The following TRHDE variants were observed in gnomAD, a reference collection of about 807,000 sequenced individuals.
TRHDE encodes thyrotropin-releasing hormone-degrading ectoenzyme.
In TRHDE, 72 loss-of-function variants were observed where a neutral mutation model predicts 125.7. That is an observed-to-expected ratio of 0.57 (90% CI 0.47 to 0.70). The LOEUF (loss-of-function observed/expected upper bound fraction) is 0.70. TRHDE is among the 30% of genes least tolerant of loss of function. TRHDE has a pLI of 0.00. For synonymous variants in TRHDE, 509 were observed against 509.1 expected, an observed-to-expected ratio of 1.00 and a Z score of 0.00; for missense variants, 1,110 against 1,327.1, an observed-to-expected ratio of 0.84 and a Z score of 2.54.
chr12:72,478,934 A>AAAC (rs1877028623), intron 5 of TRHDE, among the ~76,000 whole-genome samples: 1 of 151,116 alleles, frequency 6.6e-6, no homozygotes, highest in South Asian at 2.1e-4. Flanking sequence ...AAAAAAAAAA[A>AAAC]AAAAAAACAA....
At position 72,666,936 on chromosome 12, in the gene TRHDE, A is replaced by G. The variant is rs1018644640; in HGVS notation, c.*3741A>G. ...TAAACATAACCTTAAAGTACTGATA[A>G]TTTGCTTAATTTTCAACACAAATTT... On this transcript the variant is annotated 3_prime_UTR_variant, in exon 19 of 19. Transcript: ENST00000261180. 1 of 152,034 alleles carries G rather than the reference A, an allele frequency of 6.6e-6. No homozygotes were observed. Among genetic ancestry groups the G allele is most frequent in the African/African-American group, 2.4e-5 (1 of 41,448 alleles). 9.4% of individuals were successfully genotyped at this position (152,034 alleles called of 1,614,324 possible).
At chr12:72,342,473 A>G (rs1388691798) in intron 2 of TRHDE, among the ~76,000 whole-genome samples, 1 of 152,134 alleles carries the variant, frequency 6.6e-6, no homozygotes, top group Non-Finnish European at 1.5e-5. Flanking sequence ...CTTTTTGAAT[A>G]TACTCTTCCT....
At chr12:72,613,847 G>T (rs890721009) in intron 12 of TRHDE, among the ~76,000 whole-genome samples, 1 of 152,082 alleles carries the variant, frequency 6.6e-6, no homozygotes, top group African/African-American at 2.4e-5. Flanking sequence ...TTCTTGTAAT[G>T]CCATAAAGAA....
At chr12:72,534,590 G>C (rs1288850480) in intron 6 of TRHDE, among the ~76,000 whole-genome samples, 1 of 151,866 alleles carries the variant, frequency 6.6e-6, no homozygotes, top group Non-Finnish European at 1.5e-5. Flanking sequence ...AGATGATATT[G>C]ATGATGATGA....
intron 6 of TRHDE, among the ~76,000 whole-genome samples, chr12:72,517,383 G>A (rs1362626648): frequency 3.3e-4 from 50 of 152,148 alleles, no homozygotes; most frequent in Non-Finnish European, 5.7e-4. Flanking sequence ...GAGAGTGCAT[G>A]TGTCGAGGAA....
At chr12:72,646,368 CA>C (rs1874280577) in intron 15 of TRHDE, among the ~76,000 whole-genome samples, 1 of 151,652 alleles carries the variant, frequency 6.6e-6, no homozygotes, top group Non-Finnish European at 1.5e-5. Context: ...AAAAACAAAT[CA>C]CAGCATATCA....
intron 2 of TRHDE, among the ~76,000 whole-genome samples, chr12:72,136,775 C>T (rs575695125): frequency 3.3e-5 from 5 of 152,274 alleles, no homozygotes; most frequent in African/African-American, 1.2e-4. Context: ...GAGAAAGTTC[C>T]CAGCACCTGT....
At chr12:72,575,659 C>T (rs991582410) in intron 12 of TRHDE, 117 bp downstream of exon 12, 18 of 989,240 alleles carry the variant, frequency 1.8e-5, no homozygotes, top group Non-Finnish European at 2.3e-5. Flanking sequence ...CTATTTCTAT[C>T]TTATGTTCTT....
At chr12:72,582,735 T>C in intron 12 of TRHDE, 1 of 538,100 alleles carries the variant, frequency 1.9e-6, no homozygotes, top group African/African-American at 2.1e-5. Context: ...ACTGGACTTT[T>C]TGTTTTGATT....
intron 2 of TRHDE, among the ~76,000 whole-genome samples, chr12:72,142,900 C>T (rs559069913): frequency 5.9e-5 from 9 of 152,002 alleles, no homozygotes; most frequent in South Asian, 2.1e-4. Context: ...TCCATCTCAC[C>T]GAGAGCCACC....
At chr12:72,573,529 G>A (rs1270237487) in intron 10 of TRHDE, among the ~76,000 whole-genome samples, 2 of 151,748 alleles carry the variant, frequency 1.3e-5, no homozygotes, top group African/African-American at 4.8e-5. Flanking sequence ...AACCTTAAGG[G>A]CCATTATTTG....
intron 3 of TRHDE, among the ~76,000 whole-genome samples, chr12:72,410,092 A>G (rs1873430258): frequency 6.6e-6 from 1 of 152,064 alleles, no homozygotes; most frequent in Non-Finnish European, 1.5e-5. Context: ...AAGATCACAG[A>G]TACCATACAT....
intron 3 of TRHDE, among the ~76,000 whole-genome samples, chr12:72,397,010 C>G (rs956958067): frequency 7.9e-5 from 12 of 152,204 alleles, no homozygotes; most frequent in African/African-American, 2.9e-4. Flanking sequence ...ATCTTCACGT[C>G]CGACCTCTGT....
intron 6 of TRHDE, among the ~76,000 whole-genome samples, chr12:72,539,105 C>A (rs1869015173): frequency 6.6e-6 from 1 of 151,926 alleles, no homozygotes; most frequent in Non-Finnish European, 1.5e-5. Context: ...CCTTATCCAT[C>A]CTCCAAGGTT....
intron 2 of TRHDE, among the ~76,000 whole-genome samples, chr12:72,122,564 AAAT>A (rs1160550013): frequency 3.1e-4 from 47 of 152,280 alleles, no homozygotes; most frequent in Non-Finnish European, 3.2e-4. Context: ...GTTTTTTTTC[AAAT>A]AATGATACTA....
chr12:72,465,169 G>A (rs1010637149), intron 3 of TRHDE, among the ~76,000 whole-genome samples: 3 of 151,710 alleles, frequency 2.0e-5, no homozygotes, highest in African/African-American at 2.4e-5. Flanking sequence ...AATGTTATCT[G>A]CCTTAAATAA....
intron 3 of TRHDE, among the ~76,000 whole-genome samples, chr12:72,382,095 C>T (rs1248392681): frequency 6.6e-6 from 1 of 152,112 alleles, no homozygotes; most frequent in Non-Finnish European, 1.5e-5. Context: ...TCAGAAACGA[C>T]TACTGAGCGG....
At chr12:72,277,010 A>G (rs1215918140) in intron 1 of TRHDE, among the ~76,000 whole-genome samples, 4 of 152,286 alleles carry the variant, frequency 2.6e-5, no homozygotes, top group East Asian at 3.9e-4. Flanking sequence ...TTAGATCCAG[A>G]TGGTTGAATT....
chr12:72,122,803 G>A (rs1018085825), intron 2 of TRHDE, among the ~76,000 whole-genome samples: 2 of 151,930 alleles, frequency 1.3e-5, no homozygotes, highest in Admixed American at 6.6e-5. Flanking sequence ...TATCTTTTTC[G>A]TTTTATTCAC....
Sources: allele counts gnomAD v4.1 joint callset (sites outside exome capture counted in the v4.1 genomes callset), GRCh38; gene constraint gnomAD v4.1.1; transcripts MANE v1.5; gene names NCBI Gene and HGNC (gene_info 2026-07-23, HGNC 2026-07-21).